ATMIN: variants seen among roughly 807,000 people sequenced by gnomAD.
The protein encoded by ATMIN is ATM interactor.
A neutral mutation model predicts 49.2 loss-of-function variants in ATMIN; 24 were observed. The ratio of observed to expected loss-of-function variants is 0.49; its 90% CI spans 0.35 to 0.69. The LOEUF (loss-of-function observed/expected upper bound fraction) is 0.69. ATMIN is among the 30% of genes least tolerant of loss of function. The pLI is 0.00. For synonymous variants in ATMIN, 450 were observed against 392.5 expected, an observed-to-expected ratio of 1.15 and a Z score of -1.73; for missense variants, 1,037 against 1,005.5, an observed-to-expected ratio of 1.03 and a Z score of -0.42.
intron 1 of ATMIN, chr16:81,040,470 T>C (rs1295933217): frequency 1.3e-5 from 2 of 152,222 alleles, no homozygotes; most frequent in Non-Finnish European, 2.9e-5. Flanking sequence ...TACCCAGGCA[T>C]GATAGTTTTG....
At position 81,046,014 on chromosome 16, in the gene ATMIN, G is replaced by A. The variant is rs1211390220; in HGVS notation, c.*1044G>A. The A allele has an allele frequency of 1.3e-5, 2 of 151,700 alleles. No homozygotes were observed. The highest frequency in any genetic ancestry group is 2.9e-5 in the Non-Finnish European group (2 of 67,992). The allele number at this position is 151,700 out of a possible 1,614,324, so 9.4% of individuals were successfully genotyped here. A position where few individuals can be genotyped will look rare whatever the true frequency, so the allele number is the denominator to read the frequency against. On this transcript the variant is annotated 3_prime_UTR_variant, in exon 4 of 4. Transcript: ENST00000299575. ...AAGTCGCCAGCAACAAGCACGTAGTGTAGTGTTCCTGCTAAATGAGCGTAG... is the reference window on the plus strand; with the variant it reads ...AAGTCGCCAGCAACAAGCACGTAGTATAGTGTTCCTGCTAAATGAGCGTAG...
rs1464910389 is a variant in ATMIN at position 81,043,379 on chromosome 16, T to G, written c.881T>G (p.Leu294Trp). 1 of 1,613,532 alleles carries G rather than the reference T, an allele frequency of 6.2e-7. No homozygotes were observed. Among genetic ancestry groups the G allele is most frequent in the Non-Finnish European group, 8.5e-7 (1 of 1,179,922 alleles). Residue 294 changes from leucine to tryptophan, a missense_variant, in exon 4 of 4, where the codon TTG (leucine) becomes TGG (tryptophan). Physicochemically the swap from Leu to Trp is moderately conservative, Grantham distance 61. Transcript: ENST00000299575. The stretch of plus-strand genomic sequence containing the variant: ...ACACCACCGAGATATCCTCAGAAGT[T>G]GCTTTTACCAAAGCCCAAAGTGGCT... ...LTTPPRYPQK[L>W]LLPKPKVALV...
At chr16:81,042,144 T>C (rs1362578309) in intron 2 of ATMIN, 137 bp from the exon 3 acceptor site, 2 of 749,340 alleles carry the variant, frequency 2.7e-6, no homozygotes, top group East Asian at 2.6e-5. Context: ...TTTTACATTC[T>C]TTTGACTTGG....
At position 81,047,186 on chromosome 16, in the gene ATMIN, G is replaced by C. The variant is rs1016394699; in HGVS notation, c.*2216G>C. ...TGTTTCCCCCTCAAAACCTGAACCT[G>C]AATTATTTGTAAAAACTGAAATTTA... On this transcript the variant is annotated 3_prime_UTR_variant, in exon 4 of 4. Transcript: ENST00000299575. The C allele has an allele frequency of 6.6e-6, 1 of 152,392 alleles. No individual in the cohort carries two copies. The highest frequency in any genetic ancestry group is 6.5e-5 in the Admixed American group (1 of 15,268). The allele number at this position is 152,392 out of a possible 1,614,324, so 9.4% of individuals were successfully genotyped here. A position where few individuals can be genotyped will look rare whatever the true frequency, so the allele number is the denominator to read the frequency against.
intron 1 of ATMIN, among the ~76,000 whole-genome samples, chr16:81,036,445 A>AGTTCCCTG (rs1175458252): frequency 2.6e-5 from 4 of 152,158 alleles, no homozygotes; most frequent in Non-Finnish European, 5.9e-5. Context: ...CGTACGCGCC[A>AGTTCCCTG]GTTCCCTGGT....
rs1232041149 is a variant in ATMIN, at chr16:81,043,637, T to G, written c.1139T>G (p.Ile380Arg). Residue 380 changes from isoleucine to arginine, a missense_variant, in exon 4 of 4, where the codon ATA (isoleucine) becomes AGA (arginine). Ile to Arg is a moderately conservative substitution (Grantham distance 97). Coordinates refer to ENST00000299575, the MANE Select transcript of ATMIN (RefSeq NM_015251.3). ...GCTAATCCTATTGCTGGTGAGCCAA[T>G]AAGTACTGGTGTTCAAGTGAACTTT... ...KIANPIAGEPISTGVQVNFGK... is the reference protein window; with the variant it reads ...KIANPIAGEPRSTGVQVNFGK... 1.2e-6 allele frequency: 2 copies of G among 1,614,228 alleles called. No homozygotes were observed. The highest frequency in any genetic ancestry group is 1.7e-6 in the Non-Finnish European group (2 of 1,180,054).
At chr16:81,041,148 T>C in intron 1 of ATMIN, 1 of 500,058 alleles carries the variant, frequency 2.0e-6, no homozygotes, top group South Asian at 2.4e-5. Flanking sequence ...GTCAAATGAA[T>C]GCAGAATTTT....
In ATMIN at chr16:81,045,228, TA is replaced by T. The variant is rs34341857; in HGVS notation, c.*269del. ...CTTTTCACAGCTAGTCTTTTCATGT[TA>T]AAAAAAAAAATGTATTTCATATCTA... is the stretch of plus-strand genomic sequence containing the variant. On this transcript the variant is annotated 3_prime_UTR_variant, in exon 4 of 4. Coordinates refer to ENST00000299575, the MANE Select transcript of ATMIN (RefSeq NM_015251.3). 285,802 of 347,152 alleles carry T rather than the reference TA, an allele frequency of 0.82. 116,274 individuals carry two copies. The highest frequency in any genetic ancestry group is 0.87 in the Middle Eastern group (1,039 of 1,188). 21.5% of individuals were successfully genotyped at this position (347,152 alleles called of 1,614,324 possible). A position where few individuals can be genotyped will look rare whatever the true frequency, so the allele number is the denominator to read the frequency against.
Position 81,045,441 on chromosome 16 carries a change from C to G in ATMIN, c.*471C>G, listed in dbSNP as rs1387244998. 4 of 156,794 alleles carry G rather than the reference C, an allele frequency of 2.6e-5. No individual in the cohort carries two copies. The highest frequency in any genetic ancestry group is 9.7e-5 in the African/African-American group (4 of 41,444). The allele number at this position is 156,794 out of a possible 1,614,324, so 9.7% of individuals were successfully genotyped here. ...CACTAAAGAAACCGGATGCTGCCAC[C>G]GTAGGATTTAAGCAGTAGTGCTTCC... On this transcript the variant is annotated 3_prime_UTR_variant, in exon 4 of 4. Transcript: ENST00000299575.
Position 81,045,305 on chromosome 16 carries a change from T to C in ATMIN, c.*335T>C. ...AAGCCCAGCTTACCAGGTTCAAGGG[T>C]ACAAACTTCTCAAATCTTCAAAACA... On this transcript the variant is annotated 3_prime_UTR_variant, in exon 4 of 4. Coordinates refer to ENST00000299575, the MANE Select transcript of ATMIN (RefSeq NM_015251.3). 4.3e-6 allele frequency: 1 copy of C among 230,752 alleles called. No individual in the cohort carries two copies. Among genetic ancestry groups the C allele is most frequent in the Non-Finnish European group, 8.4e-6 (1 of 118,702 alleles). 14.3% of individuals were successfully genotyped at this position (230,752 alleles called of 1,614,324 possible).
chr16:81,045,807 GTC>G lies in ATMIN; in HGVS notation c.*841_*842del, dbSNP rs1971108916. 6.6e-6 allele frequency: 1 copy of G among 151,722 alleles called. No homozygotes were observed. The highest frequency in any genetic ancestry group is 2.4e-5 in the African/African-American group (1 of 41,220). The allele number at this position is 151,722 out of a possible 1,614,324, so 9.4% of individuals were successfully genotyped here. On this transcript the variant is annotated 3_prime_UTR_variant, in exon 4 of 4. Coordinates refer to ENST00000299575, the MANE Select transcript of ATMIN (RefSeq NM_015251.3). ...AGCTTGGGCAACGTAAGAAGACCGT[GTC>G]TCTGGAATTTTTTTTTTTTTTTAAT...
chr16:81,036,405 G>A (rs1970935013), intron 1 of ATMIN, among the ~76,000 whole-genome samples, 199 bp downstream of exon 1: 1 of 152,012 alleles, frequency 6.6e-6, no homozygotes, highest in Admixed American at 6.5e-5. Flanking sequence ...GCCTCTGGGG[G>A]GGAGGAGGAG....
chr16:81,044,532 C>G lies in ATMIN; in HGVS notation c.2034C>G (p.Leu678=). ...TAGAGACTCAAACGGACTTCTTACT[C>G]GCAGATACCTCTGCTCAGTCCTATG... ...LDIETQTDFL[L]ADTSAQSYGC... is the part of the protein sequence containing the mutation. The change falls in exon 4 of 4, where the codon CTC becomes CTG. Residue 678 remains leucine (L), a synonymous_variant. Transcript: ENST00000299575. 6.2e-7 allele frequency: 1 copy of G among 1,614,124 alleles called. No homozygotes were observed. The highest frequency in any genetic ancestry group is 1.1e-5 in the South Asian group (1 of 91,076).
In ATMIN at chr16:81,045,107, C is replaced by T; in HGVS notation, c.*137C>T. ...GCTTAGCTTCTTTGTGTTTCTTTGC[C>T]TTTTGTACTTGTAAACAGAAATTTG... On this transcript the variant is annotated 3_prime_UTR_variant, in exon 4 of 4. Coordinates refer to ENST00000299575, the MANE Select transcript of ATMIN (RefSeq NM_015251.3). The T allele has an allele frequency of 1.7e-6, 2 of 1,173,982 alleles. No homozygotes were observed. The highest frequency in any genetic ancestry group is 1.7e-5 in the South Asian group (1 of 58,590). 72.7% of individuals were successfully genotyped at this position (1,173,982 alleles called of 1,614,324 possible). A position where few individuals can be genotyped will look rare whatever the true frequency, so the allele number is the denominator to read the frequency against.
At chr16:81,041,521 C>G (rs562293980) in intron 2 of ATMIN, 40 bp downstream of exon 2, 1 of 1,577,370 alleles carries the variant, frequency 6.3e-7, no homozygotes, top group Non-Finnish European at 8.6e-7. Flanking sequence ...ATGCTAAAAA[C>G]CTATTGTGCA....
Position 81,035,905 on chromosome 16 carries a change from C to G in ATMIN, c.35C>G (p.Ser12Cys), listed in dbSNP as rs1970918293. ...AASEAAAAAGSAALAAGARAV... is the reference protein window; with the variant it reads ...AASEAAAAAGCAALAAGARAV... ...TCGGAGGCGGCGGCGGCGGCGGGGT[C>G]CGCGGCTCTGGCGGCGGGTGCCCGG... The change falls in exon 1 of 4, where the codon TCC (serine) becomes TGC (cysteine). Residue 12 changes from serine to cysteine, a missense_variant. By Grantham distance (112) the Ser-to-Cys change is moderately radical (BLOSUM62 -1). Transcript: ENST00000299575. The G allele has an allele frequency of 1.2e-5, 12 of 984,684 alleles. 1 individual carries two copies. In the South Asian group the frequency reaches 4.5e-4, roughly 37 times the overall value. The allele number at this position is 984,684 out of a possible 1,614,324, so 61.0% of individuals were successfully genotyped here.
At chr16:81,039,286 C>T (rs2151738122) in intron 1 of ATMIN, among the ~76,000 whole-genome samples, 1 of 152,248 alleles carries the variant, frequency 6.6e-6, no homozygotes, top group South Asian at 2.1e-4. Flanking sequence ...AATTTTCGGT[C>T]TTAGTTACAG....
At chr16:81,041,932 G>C (rs1353626980) in intron 2 of ATMIN, among the ~76,000 whole-genome samples, 2 of 151,622 alleles carry the variant, frequency 1.3e-5, no homozygotes, top group Non-Finnish European at 2.9e-5. Flanking sequence ...GAAGAGATTG[G>C]CATCTGAAAT....
chr16:81,039,215 G>C (rs1346207206), intron 1 of ATMIN, among the ~76,000 whole-genome samples: 1 of 152,182 alleles, frequency 6.6e-6, no homozygotes, highest in Admixed American at 6.5e-5. Flanking sequence ...GTGTTGACCA[G>C]AGACTCCATC....
Sources: allele counts gnomAD v4.1 joint callset (sites outside exome capture counted in the v4.1 genomes callset), GRCh38; gene constraint gnomAD v4.1.1; transcripts MANE v1.5; gene names NCBI Gene and HGNC (gene_info 2026-07-23, HGNC 2026-07-21).